Variants in ROR1 observed in about 807,000 individuals in gnomAD.
ROR1 encodes inactive tyrosine-protein kinase transmembrane receptor ROR1.
ROR1 carries 19 observed loss-of-function variants against 78.8 expected under a neutral mutation model. The observed-to-expected ratio is 0.24, with a 90% confidence interval of 0.17 to 0.35. ROR1 has a LOEUF of 0.35. Among genes scored for constraint, ROR1 ranks in the 10% least tolerant of loss-of-function variants. ROR1 has a pLI of 1.00. For synonymous variants in ROR1, 386 were observed against 433.6 expected, an observed-to-expected ratio of 0.89 and a Z score of 1.36; for missense variants, 917 against 1,177.8, an observed-to-expected ratio of 0.78 and a Z score of 3.24.
At chr1:64,098,194 C>T (rs1284513410) in intron 4 of ROR1, among the ~76,000 whole-genome samples, 1 of 152,090 alleles carries the variant, frequency 6.6e-6, no homozygotes. Flanking sequence ...GAGGCTTGTG[C>T]TGTGAGTGAG....
chr1:64,037,861 T>A (rs834476), intron 2 of ROR1, among the ~76,000 whole-genome samples: 98,470 of 151,850 alleles, frequency 0.65, 35,844 homozygotes, highest in East Asian at 0.88. Flanking sequence ...ATCTGGTTTG[T>A]GTGCCACACT....
At chr1:63,839,395 T>A (rs1379970678) in intron 1 of ROR1, among the ~76,000 whole-genome samples, 1 of 138,158 alleles carries the variant, frequency 7.2e-6, no homozygotes. Flanking sequence ...TATCTATCTA[T>A]CTATCTAATT....
intron 8 of ROR1, among the ~76,000 whole-genome samples, chr1:64,168,621 T>C (rs757180749): frequency 3.9e-5 from 6 of 152,186 alleles, no homozygotes; most frequent in Admixed American, 2.0e-4. Context: ...TAATTGAAAC[T>C]AAAGGAAACT....
chr1:64,166,596 G>A (rs909144556), intron 8 of ROR1, among the ~76,000 whole-genome samples: 1 of 152,204 alleles, frequency 6.6e-6, no homozygotes, highest in African/African-American at 2.4e-5. Context: ...GATTAATGAA[G>A]CAAATGCTGT....
At chr1:63,892,053 C>T (rs1157386616) in intron 1 of ROR1, among the ~76,000 whole-genome samples, 2 of 152,130 alleles carry the variant, frequency 1.3e-5, no homozygotes, top group Non-Finnish European at 2.9e-5. Flanking sequence ...TTAGTTTGTC[C>T]CTACTACTTA....
At chr1:64,143,245 C>G in intron 7 of ROR1, 1 of 988,300 alleles carries the variant, frequency 1.0e-6, no homozygotes, top group Non-Finnish European at 1.2e-6. Context: ...ATGGGCCAAG[C>G]ATGGTGGCTT....
chr1:64,132,499 C>G (rs762333965), intron 4 of ROR1, among the ~76,000 whole-genome samples: 1 of 152,104 alleles, frequency 6.6e-6, no homozygotes, highest in Non-Finnish European at 1.5e-5. Flanking sequence ...GTGGCTCACA[C>G]CTGTAATCCT....
chr1:64,108,651 C>T (rs1043280101), intron 4 of ROR1, among the ~76,000 whole-genome samples: 9 of 152,038 alleles, frequency 5.9e-5, no homozygotes, highest in Admixed American at 2.0e-4. Context: ...CCACCCATCA[C>T]ATAACACACA....
chr1:64,083,592 AGAG>A, intron 4 of ROR1, among the ~76,000 whole-genome samples: 2 of 107,032 alleles, frequency 1.9e-5, no homozygotes, highest in Non-Finnish European at 3.7e-5. Context: ...AGAGAGAGAG[AGAG>A]AAAAAAAAAA....
chr1:63,869,375 C>A (rs1645237091), intron 1 of ROR1, among the ~76,000 whole-genome samples: 1 of 152,194 alleles, frequency 6.6e-6, no homozygotes, highest in South Asian at 2.1e-4. Context: ...CACTGGCCTG[C>A]AGCTCATTGT....
At chr1:63,851,236 C>T (rs1230423717) in intron 1 of ROR1, among the ~76,000 whole-genome samples, 5 of 152,174 alleles carry the variant, frequency 3.3e-5, no homozygotes, top group Non-Finnish European at 7.3e-5. Flanking sequence ...CCTCGGCCTC[C>T]TAAAGTACTG....
chr1:63,938,191 C>T (rs1645808445), intron 1 of ROR1, among the ~76,000 whole-genome samples: 1 of 152,094 alleles, frequency 6.6e-6, no homozygotes, highest in Non-Finnish European at 1.5e-5. Flanking sequence ...ATTTTTTCTT[C>T]TCATTATTCC....
chr1:64,071,964 G>A (rs182058284), intron 4 of ROR1, among the ~76,000 whole-genome samples: 34 of 152,202 alleles, frequency 2.2e-4, no homozygotes, highest in Admixed American at 2.2e-3. Flanking sequence ...CGCCACCGTG[G>A]TGCTTCCCTA....
intron 1 of ROR1, among the ~76,000 whole-genome samples, chr1:63,849,660 A>G (rs191168417): frequency 1.3e-5 from 2 of 152,286 alleles, no homozygotes; most frequent in Admixed American, 1.3e-4. Context: ...ATGGTACCCC[A>G]CACTACAGCC....
chr1:64,156,303 C>T (rs529341506), intron 7 of ROR1, among the ~76,000 whole-genome samples: 29 of 152,346 alleles, frequency 1.9e-4, no homozygotes, highest in African/African-American at 5.8e-4. Flanking sequence ...CTGTGGCAGA[C>T]CGTCTTCTAC....
intron 4 of ROR1, among the ~76,000 whole-genome samples, chr1:64,115,193 A>G (rs1399241793): frequency 2.0e-5 from 3 of 151,720 alleles, no homozygotes; most frequent in South Asian, 4.2e-4. Flanking sequence ...TTGCTCCACC[A>G]TTTACTAACT....
At chr1:63,956,898 C>T (rs960993810) in intron 1 of ROR1, among the ~76,000 whole-genome samples, 1 of 152,148 alleles carries the variant, frequency 6.6e-6, no homozygotes, top group African/African-American at 2.4e-5. Flanking sequence ...CACTACCTTG[C>T]AGATATGCTA....
At chr1:63,815,881 G>A (rs1046329210) in intron 1 of ROR1, among the ~76,000 whole-genome samples, 4 of 152,090 alleles carry the variant, frequency 2.6e-5, no homozygotes, top group Non-Finnish European at 5.9e-5. Flanking sequence ...AACTTCCTGG[G>A]ACTTCCTCAG....
chr1:63,854,227 C>T (rs1313061578), intron 1 of ROR1, among the ~76,000 whole-genome samples: 1 of 152,140 alleles, frequency 6.6e-6, no homozygotes, highest in Non-Finnish European at 1.5e-5. Context: ...TATTACTGCT[C>T]TGCTGCCCAT....
Sources: allele counts gnomAD v4.1 joint callset (sites outside exome capture counted in the v4.1 genomes callset), GRCh38; gene constraint gnomAD v4.1.1; transcripts MANE v1.5; gene names NCBI Gene and HGNC (gene_info 2026-07-23, HGNC 2026-07-21).